The following PPP4R3A variants were observed in gnomAD, a reference collection of about 807,000 sequenced individuals.
PPP4R3A encodes serine/threonine-protein phosphatase 4 regulatory subunit 3A.
Under a neutral mutation model 91.7 loss-of-function variants are expected in PPP4R3A, and 15 were observed. The observed-to-expected ratio is 0.16, with a 90% CI of 0.11 to 0.25. The LOEUF is 0.25. Among genes scored for constraint, PPP4R3A ranks in the 10% least tolerant of loss-of-function variants. The pLI is 1.00. For synonymous variants in PPP4R3A, 377 were observed against 348.7 expected (o/e 1.08, Z -0.91); for missense variants, 623 against 998.4 (o/e 0.62, Z 5.07).
chr14:91,473,918 C>T (rs926906141), intron 7 of PPP4R3A, among the ~76,000 whole-genome samples: 19 of 152,052 alleles, frequency 1.2e-4, no homozygotes, highest in African/African-American at 4.6e-4. Flanking sequence ...TACAGGCATG[C>T]ACCACCATGC....
rs192283943 is a variant in PPP4R3A, at chr14:91,487,175, G to A, written c.199-1445C>T. Among the ~76,000 whole-genome samples, 4 of 147,206 alleles carry A rather than the reference G, an allele frequency of 2.7e-5. No homozygotes were observed. The Admixed American group carries it at 2.8e-4, about 10-fold the overall frequency. ...TGATGTGGGAGAGTCACTTGAACCC[G>A]GGAGGCAGAGGTTGCAGTGATCCGA... On this transcript the variant is annotated intron_variant, in intron 2 of 14. Transcript: ENST00000554943.
chr14:91,498,483 A>T (rs1468798879), intron 1 of PPP4R3A, among the ~76,000 whole-genome samples: 1 of 152,178 alleles, frequency 6.6e-6, no homozygotes, highest in Non-Finnish European at 1.5e-5. Context: ...AATATGGTAA[A>T]TATTGATAAA....
chr14:91,468,667 CAAAAAAAAA>C (rs766250846), intron 10 of PPP4R3A, among the ~76,000 whole-genome samples: 3 of 45,050 alleles, frequency 6.7e-5, no homozygotes, highest in East Asian at 3.5e-3. Context: ...GACTCCGTCT[CAAAAAAAAA>C]AAAAAAAAAA....
At chr14:91,480,383 G>A (rs1057124185) in intron 4 of PPP4R3A, among the ~76,000 whole-genome samples, 3 of 152,120 alleles carry the variant, frequency 2.0e-5, no homozygotes, top group Non-Finnish European at 4.4e-5. Flanking sequence ...AGACGGAGCT[G>A]AAACTCAAAT....
chr14:91,510,016 C>CGCGCCGCCGCCGCCTCCTCAGGCCG lies in PPP4R3A; in HGVS notation c.-394_-370dup. 2.1e-6 allele frequency: 2 copies of CGCGCCGCCGCCGCCTCCTCAGGCCG among 931,878 alleles called. No individual in the cohort carries two copies. The highest frequency in any genetic ancestry group is 2.6e-6 in the Non-Finnish European group (2 of 777,954). The allele number at this position is 931,878 out of a possible 1,614,324, so 57.7% of individuals were successfully genotyped here. On this transcript the variant is annotated 5_prime_UTR_variant, in exon 1 of 15. Transcript: ENST00000554943. ...CCATGATCTCCGCGAAGCAGCTTCC[C>CGCGCCGCCGCCGCCTCCTCAGGCCG]GCGCCGCCGCCGCCTCCTCAGGCCG...
chr14:91,470,745 C>T lies in PPP4R3A; in HGVS notation c.1660+92G>A, dbSNP rs549694494. 190 of 1,428,340 alleles carry T rather than the reference C, an allele frequency of 1.3e-4. 1 individual carries two copies. In the Middle Eastern group the frequency reaches 2.2e-3, roughly 16 times the overall value. 88.5% of individuals were successfully genotyped at this position (1,428,340 alleles called of 1,614,324 possible). A position where few individuals can be genotyped will look rare whatever the true frequency, so the allele number is the denominator to read the frequency against. ...TAGTATTACGACCTAGATCTCCTGA[C>T]CTGTAATCAGTGGTCTTTTCATTTG... On this transcript the variant is annotated intron_variant, in intron 10 of 14. Transcript: ENST00000554943.
At chr14:91,498,711 G>A (rs931555322) in intron 1 of PPP4R3A, among the ~76,000 whole-genome samples, 2 of 151,622 alleles carry the variant, frequency 1.3e-5, no homozygotes, top group South Asian at 2.1e-4. Flanking sequence ...TCAGGAGATC[G>A]AGACCATCCT....
chr14:91,507,541 T>TAG (rs1305430338), intron 1 of PPP4R3A, among the ~76,000 whole-genome samples: 2 of 111,686 alleles, frequency 1.8e-5, no homozygotes, highest in African/African-American at 7.2e-5. Context: ...ATATACTATA[T>TAG]ATTATATATA....
intron 1 of PPP4R3A, among the ~76,000 whole-genome samples, chr14:91,499,103 C>T (rs532053017): frequency 6.6e-6 from 1 of 151,200 alleles, no homozygotes; most frequent in African/African-American, 2.4e-5. Flanking sequence ...TCTATCTCTA[C>T]AAAAAATAAA....
At chr14:91,486,702 A>C (rs1410702956) in intron 2 of PPP4R3A, among the ~76,000 whole-genome samples, 1 of 151,178 alleles carries the variant, frequency 6.6e-6, no homozygotes. Flanking sequence ...GGCGGAGGTC[A>C]GGAGTTTGAG....
intron 14 of PPP4R3A, among the ~76,000 whole-genome samples, chr14:91,459,271 A>C (rs1887975703): frequency 6.6e-6 from 1 of 151,976 alleles, no homozygotes; most frequent in Non-Finnish European, 1.5e-5. Flanking sequence ...ACGCCTGGGT[A>C]ATTTTTGTAT....
chr14:91,470,184 A>G (rs1888753207), intron 10 of PPP4R3A, among the ~76,000 whole-genome samples: 1 of 152,160 alleles, frequency 6.6e-6, no homozygotes, highest in Non-Finnish European at 1.5e-5. Context: ...AGGACCACTT[A>G]CATATGGCAA....
At chr14:91,508,189 A>G (rs535022227) in intron 1 of PPP4R3A, among the ~76,000 whole-genome samples, 28 of 152,342 alleles carry the variant, frequency 1.8e-4, no homozygotes, top group African/African-American at 6.5e-4. Context: ...CCAACATTCA[A>G]AAATTTTTAA....
intron 4 of PPP4R3A, 42 bp downstream of exon 4, chr14:91,481,534 C>A: frequency 2.7e-6 from 4 of 1,497,542 alleles, no homozygotes; most frequent in Non-Finnish European, 3.5e-6. Context: ...ATTGTTTTCG[C>A]TGCATCTCTT....
At chr14:91,461,956 C>T (rs902326370) in intron 13 of PPP4R3A, 93 bp downstream of exon 13, 138 of 1,417,060 alleles carry the variant, frequency 9.7e-5, no homozygotes, top group Non-Finnish European at 1.2e-4. Flanking sequence ...TGCCATCACA[C>T]CTTCCAAGCA....
Position 91,510,220 on chromosome 14 carries a change from T to G in PPP4R3A, c.-573A>C, listed in dbSNP as rs1029422525. The G allele has an allele frequency of 2.6e-5, 4 of 152,490 alleles. No homozygotes were observed. The highest frequency in any genetic ancestry group is 9.7e-5 in the African/African-American group (4 of 41,394). The allele number at this position is 152,490 out of a possible 1,614,324, so 9.4% of individuals were successfully genotyped here. A position where few individuals can be genotyped will look rare whatever the true frequency, so the allele number is the denominator to read the frequency against. ...CGGCCGCCCAAGCGACCCGGACTAGTGGAAGTCGGTTTCCCTCCGCCGCCG... is the reference window on the plus strand; with the variant it reads ...CGGCCGCCCAAGCGACCCGGACTAGGGGAAGTCGGTTTCCCTCCGCCGCCG... On this transcript the variant is annotated 5_prime_UTR_variant, in exon 1 of 15. Coordinates refer to ENST00000554943, the MANE Select transcript of PPP4R3A (RefSeq NM_001366432.2).
At chr14:91,483,029 C>G (rs1248487171) in intron 3 of PPP4R3A, among the ~76,000 whole-genome samples, 1 of 152,172 alleles carries the variant, frequency 6.6e-6, no homozygotes, top group Non-Finnish European at 1.5e-5. Flanking sequence ...GCCTGAAAAT[C>G]TGTCATAAAA....
intron 4 of PPP4R3A, among the ~76,000 whole-genome samples, chr14:91,480,187 A>G (rs1232718963): frequency 6.6e-6 from 1 of 152,226 alleles, no homozygotes; most frequent in Admixed American, 6.5e-5. Flanking sequence ...GCAATTATCA[A>G]TAGACACTTA....
At chr14:91,474,977 A>G (rs1310067608) in intron 7 of PPP4R3A, 1 of 152,160 alleles carries the variant, frequency 6.6e-6, no homozygotes, top group Non-Finnish European at 1.5e-5. Context: ...ATCACAATAC[A>G]TTAAATAGGA....
Sources: gnomAD v4.1 joint callset for allele counts (sites outside exome capture counted in the v4.1 genomes callset) on GRCh38, gnomAD v4.1.1 for gene constraint, MANE v1.5 for transcripts, NCBI Gene and HGNC (gene_info 2026-07-23, HGNC 2026-07-21) for gene names.